The following CEP128 variants were observed in gnomAD, a reference collection of about 807,000 sequenced individuals.
The protein encoded by CEP128 is centrosomal protein 128.
A neutral mutation model predicts 156.7 loss-of-function variants in CEP128; 132 were observed. The ratio of observed to expected loss-of-function variants is 0.84; its 90% CI spans 0.73 to 0.97. CEP128 has a LOEUF of 0.97. Ranked by LOEUF, CEP128 falls within the 50% of genes least tolerant of loss-of-function variation. CEP128 has a pLI of 0.00. For synonymous variants in CEP128, 469 were observed against 448.9 expected (o/e 1.04, Z -0.57); for missense variants, 1,252 against 1,281.9 (o/e 0.98, Z 0.36).
At chr14:80,929,025 GA>G (rs909226738) in intron 2 of CEP128, among the ~76,000 whole-genome samples, 12 of 142,896 alleles carry the variant, frequency 8.4e-5, no homozygotes, top group African/African-American at 7.7e-5. Flanking sequence ...AAACATATCA[GA>G]AAAAAAAAAG....
chr14:80,719,803 A>T (rs1196969691), intron 19 of CEP128, among the ~76,000 whole-genome samples: 1 of 152,238 alleles, frequency 6.6e-6, no homozygotes, highest in Non-Finnish European at 1.5e-5. Flanking sequence ...GAACTAAAAG[A>T]CAAGTATTTG....
At chr14:80,840,220 G>A (rs191267446) in intron 10 of CEP128, among the ~76,000 whole-genome samples, 16 of 152,184 alleles carry the variant, frequency 1.1e-4, no homozygotes, top group Non-Finnish European at 1.5e-5. Flanking sequence ...AGCTCTACGT[G>A]TTCATAGAAA....
chr14:80,836,294 CG>C lies in CEP128; in HGVS notation c.967del (p.Arg323GlufsTer46). 1 of 1,614,024 alleles carries C rather than the reference CG, an allele frequency of 6.2e-7. No homozygotes were observed. Among genetic ancestry groups the C allele is most frequent in the Non-Finnish European group, 8.5e-7 (1 of 1,179,948 alleles). On this transcript the variant is annotated frameshift_variant, in exon 12 of 25. Transcript: ENST00000555265. LOFTEE classifies it high-confidence loss of function. The stretch of plus-strand genomic sequence containing the variant: ...AGATACTTGATGCTGTAAACCCTTT[CG>C]ATCACCTTCTGCTTTCGTAAGTTGT... ...RTQLTKAEGD[R>X]KGLQHQVSQI...
intron 19 of CEP128, among the ~76,000 whole-genome samples, chr14:80,652,764 T>C (rs1056345894): frequency 2.0e-5 from 3 of 152,166 alleles, no homozygotes; most frequent in Non-Finnish European, 2.9e-5. Context: ...ATTCAACCAT[T>C]GTGGAAGACA....
intron 4 of CEP128, among the ~76,000 whole-genome samples, chr14:80,912,087 T>C (rs969206405): frequency 6.6e-6 from 1 of 152,032 alleles, no homozygotes; most frequent in Non-Finnish European, 1.5e-5. Flanking sequence ...CGTAGTGGCA[T>C]GCGCCTGTTG....
intron 16 of CEP128, among the ~76,000 whole-genome samples, chr14:80,774,644 T>C (rs541200948): frequency 3.3e-5 from 5 of 152,306 alleles, no homozygotes; most frequent in East Asian, 1.9e-4. Context: ...TGTATGTGTG[T>C]GTGTGTGTAT....
chr14:80,777,763 CA>C (rs1900873691), intron 16 of CEP128, 118 bp downstream of exon 16: 1 of 745,172 alleles, frequency 1.3e-6, no homozygotes, highest in Non-Finnish European at 2.1e-6. Flanking sequence ...TTTTGGGGGG[CA>C]CCAATACAAC....
intron 19 of CEP128, among the ~76,000 whole-genome samples, chr14:80,739,441 G>A (rs190449157): frequency 1.0e-3 from 153 of 152,028 alleles, no homozygotes; most frequent in Non-Finnish European, 1.3e-3. Context: ...TCATCCACCC[G>A]TATCTTCCAG....
At chr14:80,657,514 G>A (rs1895226663) in intron 19 of CEP128, among the ~76,000 whole-genome samples, 1 of 151,982 alleles carries the variant, frequency 6.6e-6, no homozygotes, top group Non-Finnish European at 1.5e-5. Context: ...AGCCAGAAGT[G>A]GTGGTGCGCG....
chr14:80,514,033 AC>A (rs1888378898), intron 23 of CEP128, among the ~76,000 whole-genome samples: 1 of 152,198 alleles, frequency 6.6e-6, no homozygotes. Flanking sequence ...CTTCAAAAAG[AC>A]CTTGGTCTCC....
chr14:80,496,026 C>T (rs11159466), downstream of CEP128, among the ~76,000 whole-genome samples: 921 of 152,272 alleles, frequency 6.0e-3, 52 homozygotes, highest in East Asian at 0.13. Flanking sequence ...CATTACATTG[C>T]TCTGAGAATT....
chr14:80,578,858 A>T (rs1891469224), intron 20 of CEP128, among the ~76,000 whole-genome samples: 2 of 152,168 alleles, frequency 1.3e-5, no homozygotes, highest in South Asian at 4.1e-4. Flanking sequence ...ATCAGGCACT[A>T]GTTACCATTA....
intron 19 of CEP128, among the ~76,000 whole-genome samples, chr14:80,613,266 C>G (rs1347022635): frequency 6.7e-6 from 1 of 150,108 alleles, no homozygotes; most frequent in African/African-American, 2.4e-5. Flanking sequence ...AACTGCCGTC[C>G]GCTCAAAACT....
intron 19 of CEP128, among the ~76,000 whole-genome samples, chr14:80,649,350 T>C (rs1894794594): frequency 6.6e-6 from 1 of 151,814 alleles, no homozygotes; most frequent in Non-Finnish European, 1.5e-5. Context: ...GAATGCCATA[T>C]CTAGAAAGCA....
intron 19 of CEP128, among the ~76,000 whole-genome samples, chr14:80,719,154 A>G (rs550709244): frequency 6.6e-6 from 1 of 152,278 alleles, no homozygotes; most frequent in South Asian, 2.1e-4. Flanking sequence ...AATGACCCAG[A>G]AGCTACCACC....
At chr14:80,677,543 C>A (rs1001636396) in intron 19 of CEP128, among the ~76,000 whole-genome samples, 26 of 148,138 alleles carry the variant, frequency 1.8e-4, no homozygotes, top group African/African-American at 6.4e-4. Context: ...AAACTCTTCT[C>A]CCACCCAGGT....
At chr14:80,941,395 C>T (rs1164129424) in intron 1 of CEP128, among the ~76,000 whole-genome samples, 186 bp downstream of exon 1, 1 of 152,102 alleles carries the variant, frequency 6.6e-6, no homozygotes, top group Admixed American at 6.5e-5. Flanking sequence ...GGGAGGGAGG[C>T]CTCGGGATGA....
At chr14:80,559,506 T>C (rs914678564) in intron 20 of CEP128, among the ~76,000 whole-genome samples, 1 of 152,196 alleles carries the variant, frequency 6.6e-6, no homozygotes, top group Non-Finnish European at 1.5e-5. Context: ...TCTCATTTAG[T>C]GCTAGGACTA....
At chr14:80,752,391 TAA>T (rs1018475980) in intron 18 of CEP128, among the ~76,000 whole-genome samples, 2 of 152,320 alleles carry the variant, frequency 1.3e-5, no homozygotes, top group Middle Eastern at 3.4e-3. Context: ...ACCTTTTCAC[TAA>T]GTTATAAATA....
Sources: gnomAD v4.1 joint callset for allele counts (sites outside exome capture counted in the v4.1 genomes callset) on GRCh38, gnomAD v4.1.1 for gene constraint, MANE v1.5 for transcripts, NCBI Gene and HGNC (gene_info 2026-07-23, HGNC 2026-07-21) for gene names.